The following MAST2 variants were observed in gnomAD, a reference collection of about 807,000 sequenced individuals.
MAST2 encodes microtubule-associated serine/threonine-protein kinase 2.
In MAST2, 70 loss-of-function variants were observed where a neutral mutation model predicts 147.4. The observed-to-expected ratio is 0.47, with a 90% CI of 0.39 to 0.58. The LOEUF is 0.58. Among genes scored for constraint, MAST2 ranks in the 20% least tolerant of loss-of-function variants. The pLI, the probability that MAST2 is intolerant of heterozygous loss-of-function variation, is 0.00. For synonymous variants in MAST2, 869 were observed against 896.8 expected (o/e 0.97, Z 0.55); for missense variants, 2,080 against 2,302.3 (o/e 0.90, Z 1.98).
At chr1:45,836,359 TG>T (rs1360154869) in intron 3 of MAST2, among the ~76,000 whole-genome samples, 1 of 152,188 alleles carries the variant, frequency 6.6e-6, no homozygotes, top group Non-Finnish European at 1.5e-5. Flanking sequence ...AACTGTCTGT[TG>T]AGGTCACATG....
chr1:46,013,571 T>C (rs978093899), intron 10 of MAST2, among the ~76,000 whole-genome samples: 5 of 151,752 alleles, frequency 3.3e-5, no homozygotes, highest in Non-Finnish European at 7.4e-5. Flanking sequence ...TCCCAGCCGC[T>C]CGGGAGGCTG....
At chr1:45,892,345 T>A (rs1194684234) in intron 4 of MAST2, among the ~76,000 whole-genome samples, 1 of 152,204 alleles carries the variant, frequency 6.6e-6, no homozygotes, top group African/African-American at 2.4e-5. Context: ...ACTCAATTGT[T>A]AAGAGTTATA....
At position 46,022,984 on chromosome 1, in the gene MAST2, A is replaced by AG; in HGVS notation, c.1485+14dup. On this transcript the variant is annotated intron_variant, in intron 13 of 28. Coordinates refer to ENST00000361297, the MANE Select transcript of MAST2 (RefSeq NM_015112.3). ...TGATTCTATTGAGGTAAAAACCCTG[A>AG]GCTCCTACCCCATTCCTGGAGCCTG... The AG allele has an allele frequency of 6.2e-7, 1 of 1,612,950 alleles. No homozygotes were observed. The highest frequency in any genetic ancestry group is 1.7e-4 in the Middle Eastern group (1 of 6,060).
At position 45,961,408 on chromosome 1, in the gene MAST2, T is replaced by C. The variant is rs569930068; in HGVS notation, c.592+1931T>C. On this transcript the variant is annotated intron_variant, in intron 5 of 28. Transcript: ENST00000361297. ...AACTAATGTGAGTACTGAGCAGTAG[T>C]TACTACTGGCTGCTCTTCTCTAGAT... 5.9e-5 allele frequency among the ~76,000 whole-genome samples: 9 copies of C among 152,338 alleles called. No individual in the cohort carries two copies. The South Asian group carries it at 1.9e-3, about 32-fold the overall frequency.
chr1:46,030,766 GCACCCAGAGTT>G lies in MAST2; in HGVS notation c.2708+13_2708+23del. On this transcript the variant is annotated splice_donor_region_variant and intron_variant, in intron 22 of 28. Coordinates refer to ENST00000361297, the MANE Select transcript of MAST2 (RefSeq NM_015112.3). ...GGTGATTGGCTCCCCTGAGATGTGA[GCACCCAGAGTT>G]CACCCAGGGTGGGCGACACAGCTAT... The G allele has an allele frequency of 1.9e-6, 3 of 1,570,632 alleles. No homozygotes were observed. Among genetic ancestry groups the G allele is most frequent in the Non-Finnish European group, 1.7e-6 (2 of 1,162,828 alleles).
At chr1:45,898,077 C>G (rs1324924385) in intron 4 of MAST2, among the ~76,000 whole-genome samples, 1 of 152,082 alleles carries the variant, frequency 6.6e-6, no homozygotes, top group Non-Finnish European at 1.5e-5. Flanking sequence ...CCGCTGTACT[C>G]CAGCCTGGGC....
intron 3 of MAST2, among the ~76,000 whole-genome samples, chr1:45,860,163 G>T (rs1645927082): frequency 6.6e-6 from 1 of 151,596 alleles, no homozygotes; most frequent in South Asian, 2.1e-4. Context: ...TTTGTGACAA[G>T]CGTGGCCAAC....
chr1:45,964,015 C>T (rs1296739997), intron 5 of MAST2, among the ~76,000 whole-genome samples: 6 of 152,124 alleles, frequency 3.9e-5, no homozygotes, highest in East Asian at 1.9e-4. Context: ...TGCTGGATTA[C>T]GTTTATTGAT....
At chr1:45,813,751 G>A (rs999224973) in intron 1 of MAST2, among the ~76,000 whole-genome samples, 5 of 151,998 alleles carry the variant, frequency 3.3e-5, no homozygotes, top group East Asian at 1.9e-4. Context: ...CGCCCACCTC[G>A]GCCTCCCAAA....
chr1:45,947,318 A>AAAC (rs1553241495), intron 4 of MAST2, among the ~76,000 whole-genome samples: 4 of 142,394 alleles, frequency 2.8e-5, no homozygotes, highest in Non-Finnish European at 3.1e-5. Context: ...AAAAAAAAAA[A>AAAC]AAAAAAAAAA....
At chr1:45,860,231 C>T (rs1424066651) in intron 3 of MAST2, among the ~76,000 whole-genome samples, 1 of 139,114 alleles carries the variant, frequency 7.2e-6, no homozygotes, top group Admixed American at 7.3e-5. Flanking sequence ...CACACACACA[C>T]AAATTAGCCA....
rs1645127613 is a variant in MAST2 at position 45,837,167 on chromosome 1, C to T, written c.468+7586C>T. 3.3e-5 allele frequency among the ~76,000 whole-genome samples: 5 copies of T among 152,264 alleles called. No individual in the cohort carries two copies. In the South Asian group the frequency reaches 8.3e-4, roughly 25 times the overall value. On this transcript the variant is annotated intron_variant, in intron 3 of 28. Coordinates refer to ENST00000361297, the MANE Select transcript of MAST2 (RefSeq NM_015112.3). ...CTGGTATAGAATATATAATGCTCAC[C>T]CTCATACAGCTCATCTCCTGCCATG...
At chr1:45,845,998 G>T (rs961939427) in intron 3 of MAST2, among the ~76,000 whole-genome samples, 5 of 152,122 alleles carry the variant, frequency 3.3e-5, no homozygotes, top group Non-Finnish European at 7.3e-5. Context: ...CTGACCTTGT[G>T]ATCTGCCCGC....
At chr1:45,844,458 AT>A (rs1645369907) in intron 3 of MAST2, among the ~76,000 whole-genome samples, 1 of 151,772 alleles carries the variant, frequency 6.6e-6, no homozygotes, top group Non-Finnish European at 1.5e-5. Flanking sequence ...AATTTTTTGT[AT>A]TTTTAGTAGA....
At chr1:45,981,917 C>T (rs543165688) in intron 5 of MAST2, among the ~76,000 whole-genome samples, 144 of 151,198 alleles carry the variant, frequency 9.5e-4, no homozygotes, top group African/African-American at 3.4e-3. Flanking sequence ...CTCAGCTCAC[C>T]GCAACCTCTA....
Position 46,031,415 on chromosome 1 carries a change from C to T in MAST2, c.3017C>T (p.Thr1006Ile), listed in dbSNP as rs765102208. ...SPAMETRGRG[T>I]SQLAEGATAK... ...GCTATGGAGACCCGAGGCCGTGGGA[C>T]CTCACAGCTGGCTGAGGGAGCCACA... The change falls in exon 24 of 29, where the codon ACC becomes ATC. Residue 1006 changes from threonine to isoleucine, a missense_variant. Physicochemically the swap from Thr to Ile is moderately conservative, Grantham distance 89 (BLOSUM62 -1). Coordinates refer to ENST00000361297, the MANE Select transcript of MAST2 (RefSeq NM_015112.3). The surrounding 1 kb of genome is among the most constrained non-coding windows in gnomAD (Gnocchi z 4.1). 2 of 1,613,522 alleles carry T rather than the reference C, an allele frequency of 1.2e-6. No individual in the cohort carries two copies. The highest frequency in any genetic ancestry group is 1.7e-5 in the Admixed American group (1 of 59,966).
intron 3 of MAST2, among the ~76,000 whole-genome samples, chr1:45,858,391 G>T (rs903350103): frequency 6.6e-6 from 1 of 152,092 alleles, no homozygotes; most frequent in Middle Eastern, 3.4e-3. Context: ...TCATGTGTCT[G>T]TTGGCTGCAT....
Position 46,010,917 on chromosome 1 carries a change from A to C in MAST2, c.1166A>C (p.Asn389Thr), listed in dbSNP as rs1406859455. 6.2e-7 allele frequency: 1 copy of C among 1,614,138 alleles called. No individual in the cohort carries two copies. The highest frequency in any genetic ancestry group is 2.2e-5 in the East Asian group (1 of 44,880). ...TSQYFYELQD[N>T]LEKLLQDAHE... ...CAATACTTCTACGAACTTCAAGATA[A>C]TTTGGAGAAACTTTTACAAGATGTG... The change falls in exon 10 of 29, where the codon AAT becomes ACT. Residue 389 changes from asparagine (N) to threonine (T), a missense_variant. By Grantham distance (65) the Asn-to-Thr change is moderately conservative. Around this residue, in one of 4 missense-constraint regions of MAST2, gnomAD observed 569 missense variants for 642.5 expected, o/e 0.89. Transcript: ENST00000361297.
At chr1:45,933,213 AC>A in intron 4 of MAST2, among the ~76,000 whole-genome samples, 1 of 106,640 alleles carries the variant, frequency 9.4e-6, no homozygotes, top group Non-Finnish European at 1.7e-5. Flanking sequence ...ACAGAGCAAG[AC>A]CCTGTCTCTT....
Sources: gnomAD v4.1 joint callset for allele counts (sites outside exome capture counted in the v4.1 genomes callset) on GRCh38, gnomAD v4.1.1 for gene constraint, gnomAD v4.1.1 regional missense constraint, Gnocchi (gnomAD v3.1) non-coding constraint, MANE v1.5 for transcripts, NCBI Gene and HGNC (gene_info 2026-07-23, HGNC 2026-07-21) for gene names.